TRAK2: variants seen among roughly 807,000 people sequenced by gnomAD.
TRAK2 encodes trafficking kinesin protein 2.
TRAK2 carries 81 observed loss-of-function variants against 104.6 expected under a neutral mutation model. The observed-to-expected ratio is 0.77, with a 90% CI of 0.65 to 0.93. The LOEUF (loss-of-function observed/expected upper bound fraction) is 0.93, where lower values mean the gene tolerates loss of function less well. Ranked by LOEUF, TRAK2 falls within the 40% of genes least tolerant of loss-of-function variation. The pLI, the probability that TRAK2 is intolerant of heterozygous loss-of-function variation, is 0.00. For missense variants in TRAK2, 1,002 were observed against 1,089.0 expected, an observed-to-expected ratio of 0.92 and a Z score of 1.12; for synonymous variants, 406 against 394.4, an observed-to-expected ratio of 1.03 and a Z score of -0.35.
chr2:201,396,755 T>C (rs975831245), intron 7 of TRAK2, among the ~76,000 whole-genome samples: 1 of 152,158 alleles, frequency 6.6e-6, no homozygotes, highest in African/African-American at 2.4e-5. Context: ...AGGCAGGTAG[T>C]ATATACTGCG....
chr2:201,430,720 C>T (rs193227170), intron 1 of TRAK2, among the ~76,000 whole-genome samples: 20 of 152,278 alleles, frequency 1.3e-4, no homozygotes, highest in Non-Finnish European at 2.2e-4. Flanking sequence ...TTCCAGGTAC[C>T]GTCTGTCATG....
chr2:201,382,189 C>T (rs1951351343), intron 15 of TRAK2, among the ~76,000 whole-genome samples: 1 of 151,890 alleles, frequency 6.6e-6, no homozygotes. Context: ...TATGCTTAGT[C>T]GAAAAGAAAA....
chr2:201,429,074 C>T (rs1951818121), intron 1 of TRAK2, among the ~76,000 whole-genome samples: 1 of 152,344 alleles, frequency 6.6e-6, no homozygotes, highest in South Asian at 2.1e-4. Context: ...TGGGCTGAGA[C>T]AATGGGGTCT....
chr2:201,409,359 G>A (rs1476081813), intron 2 of TRAK2, among the ~76,000 whole-genome samples: 1 of 151,466 alleles, frequency 6.6e-6, no homozygotes. Flanking sequence ...ATTAAATATA[G>A]TTTAATTCTT....
chr2:201,385,185 A>G (rs1373450525), intron 14 of TRAK2, among the ~76,000 whole-genome samples: 1 of 152,212 alleles, frequency 6.6e-6, no homozygotes, highest in Non-Finnish European at 1.5e-5. Context: ...TATGATTTTA[A>G]TATTTTTACG....
chr2:201,449,542 T>C (rs1298725224), intron 1 of TRAK2, among the ~76,000 whole-genome samples: 2 of 144,664 alleles, frequency 1.4e-5, no homozygotes, highest in Admixed American at 7.3e-5. Flanking sequence ...TGGAGTGCAA[T>C]GGCTCGATCT....
chr2:201,436,752 G>A (rs1055429231), intron 1 of TRAK2, among the ~76,000 whole-genome samples: 1 of 152,100 alleles, frequency 6.6e-6, no homozygotes, highest in African/African-American at 2.4e-5. Flanking sequence ...TTCAGAAGCA[G>A]AAGTCCCCAT....
At chr2:201,448,371 A>G (rs919733199) in intron 1 of TRAK2, among the ~76,000 whole-genome samples, 6 of 152,232 alleles carry the variant, frequency 3.9e-5, no homozygotes, top group African/African-American at 1.4e-4. Context: ...ATCTATAAAA[A>G]CACCTCAGTG....
intron 2 of TRAK2, among the ~76,000 whole-genome samples, chr2:201,407,988 T>C (rs2125649688): frequency 6.6e-6 from 1 of 152,336 alleles, no homozygotes; most frequent in East Asian, 1.9e-4. Context: ...TTCTTTGCAT[T>C]GAGGACATTC....
At chr2:201,433,723 G>A (rs1276972974) in intron 1 of TRAK2, among the ~76,000 whole-genome samples, 1 of 152,124 alleles carries the variant, frequency 6.6e-6, no homozygotes, top group East Asian at 1.9e-4. Context: ...ATAAGAAAAG[G>A]CCTTGAACCC....
chr2:201,412,152 G>T, intron 2 of TRAK2: 1 of 996,186 alleles, frequency 1.0e-6, no homozygotes, highest in Non-Finnish European at 1.6e-6. Flanking sequence ...AGAACACTGG[G>T]CAAAACAAAA....
At chr2:201,415,229 C>T (rs1415706050) in intron 2 of TRAK2, among the ~76,000 whole-genome samples, 2 of 152,062 alleles carry the variant, frequency 1.3e-5, no homozygotes. Flanking sequence ...AAAGGGTTAA[C>T]CTTATCAGCA....
chr2:201,402,459 T>TA (rs1185583747), intron 3 of TRAK2, among the ~76,000 whole-genome samples: 2 of 151,968 alleles, frequency 1.3e-5, no homozygotes, highest in African/African-American at 2.4e-5. Flanking sequence ...TGGAGATAAC[T>TA]AAAAAAGATT....
intron 1 of TRAK2, among the ~76,000 whole-genome samples, chr2:201,435,257 C>T (rs552436655): frequency 1.7e-4 from 26 of 152,274 alleles, no homozygotes; most frequent in African/African-American, 5.8e-4. Context: ...GGGGTTATAC[C>T]ATGTTGTCCA....
At chr2:201,450,688 CTT>C (rs369626279) in intron 1 of TRAK2, among the ~76,000 whole-genome samples, 7 of 137,378 alleles carry the variant, frequency 5.1e-5, no homozygotes, top group African/African-American at 1.3e-4. Flanking sequence ...GTGAAGTTAC[CTT>C]TTTTTTTTTT....
chr2:201,432,869 A>G (rs981259921), intron 1 of TRAK2, among the ~76,000 whole-genome samples: 1 of 152,210 alleles, frequency 6.6e-6, no homozygotes, highest in African/African-American at 2.4e-5. Flanking sequence ...TTTATTTTAT[A>G]AGCAATACTT....
At chr2:201,401,447 G>A (rs778094333) in intron 3 of TRAK2, among the ~76,000 whole-genome samples, 3 of 152,004 alleles carry the variant, frequency 2.0e-5, no homozygotes, top group African/African-American at 4.8e-5. Flanking sequence ...TTGCTTTACA[G>A]TCTAATCTAA....
intron 9 of TRAK2, 47 bp downstream of exon 9, chr2:201,394,751 A>C: frequency 2.9e-6 from 4 of 1,396,810 alleles, no homozygotes; most frequent in Non-Finnish European, 4.0e-6. Flanking sequence ...GAAAGAAACT[A>C]GTCACTCTTT....
At chr2:201,434,805 G>A (rs1177192713) in intron 1 of TRAK2, among the ~76,000 whole-genome samples, 1 of 152,188 alleles carries the variant, frequency 6.6e-6, no homozygotes, top group African/African-American at 2.4e-5. Context: ...TACAGCATTA[G>A]CTAATATTTA....
Sources: gnomAD v4.1 joint callset for allele counts (sites outside exome capture counted in the v4.1 genomes callset) on GRCh38, gnomAD v4.1.1 for gene constraint, MANE v1.5 for transcripts, NCBI Gene and HGNC (gene_info 2026-07-23, HGNC 2026-07-21) for gene names.